Variants in CPED1 observed in about 807,000 individuals in gnomAD.
CPED1 encodes the protein cadherin like and PC-esterase domain containing 1.
A neutral mutation model predicts 128.2 loss-of-function variants in CPED1; 114 were observed. The observed-to-expected ratio is 0.89, with a 90% CI of 0.76 to 1.04. CPED1 has a LOEUF of 1.04. Ranked by LOEUF, CPED1 falls within the 50% of genes least tolerant of loss-of-function variation. The pLI, the probability that CPED1 is intolerant of heterozygous loss-of-function variation, is 0.00. For missense variants in CPED1, 1,211 were observed against 1,207.1 expected, an observed-to-expected ratio of 1.00 and a Z score of -0.05; for synonymous variants, 462 against 426.7, an observed-to-expected ratio of 1.08 and a Z score of -1.02.
At chr7:121,231,031 C>T (rs535103896) in intron 16 of CPED1, among the ~76,000 whole-genome samples, 74 of 152,070 alleles carry the variant, frequency 4.9e-4, no homozygotes, top group African/African-American at 1.6e-3. Context: ...GTTTGGGAGT[C>T]GTGATCATTC....
At chr7:121,254,931 A>G (rs1798768957) in intron 18 of CPED1, among the ~76,000 whole-genome samples, 1 of 151,742 alleles carries the variant, frequency 6.6e-6, no homozygotes, top group African/African-American at 2.4e-5. Flanking sequence ...CATACCAATC[A>G]AAACAAGACC....
rs1185028776 is a variant in CPED1 at position 121,133,735 on chromosome 7, T to A, written c.1578-88T>A. ...GTGTTCATCAAAGTAACTGTGCCCA[T>A]ACAGAAGAAAAGATAGTGTGTTAGA... On this transcript the variant is annotated intron_variant, in intron 12 of 22. Transcript: ENST00000310396. 4 of 874,842 alleles carry A rather than the reference T, an allele frequency of 4.6e-6. No homozygotes were observed. In the East Asian group the frequency reaches 1.0e-4, roughly 23 times the overall value. The allele number at this position is 874,842 out of a possible 1,614,324, so 54.2% of individuals were successfully genotyped here.
intron 3 of CPED1, among the ~76,000 whole-genome samples, chr7:121,042,803 A>G (rs950733702): frequency 1.3e-5 from 2 of 152,242 alleles, no homozygotes; most frequent in Non-Finnish European, 2.9e-5. Context: ...AGCTGTTCAC[A>G]TCATTGTTAC....
intron 2 of CPED1, among the ~76,000 whole-genome samples, chr7:120,992,144 T>C (rs1416563908): frequency 6.6e-6 from 1 of 152,188 alleles, no homozygotes; most frequent in East Asian, 1.9e-4. Context: ...GATCATTTTC[T>C]AAAGTAACTA....
chr7:121,120,966 T>TA (rs539242359), intron 7 of CPED1, among the ~76,000 whole-genome samples: 1,232 of 91,536 alleles, frequency 0.013, 68 homozygotes, highest in East Asian at 0.033. Context: ...GTTCCTGACC[T>TA]AAAAAAAAAA....
intron 22 of CPED1, among the ~76,000 whole-genome samples, chr7:121,292,578 G>T (rs760485059): frequency 6.6e-6 from 1 of 152,002 alleles, no homozygotes; most frequent in African/African-American, 2.4e-5. Flanking sequence ...AGTTGCGATC[G>T]TTTGGAGGAG....
intron 5 of CPED1, among the ~76,000 whole-genome samples, chr7:121,089,151 A>G (rs1011146643): frequency 6.6e-6 from 1 of 152,166 alleles, no homozygotes; most frequent in African/African-American, 2.4e-5. Flanking sequence ...ATGGTTTAGT[A>G]ATCCTATCAG....
chr7:121,031,657 T>C (rs979567688), intron 3 of CPED1, among the ~76,000 whole-genome samples: 1 of 152,246 alleles, frequency 6.6e-6, no homozygotes, highest in Non-Finnish European at 1.5e-5. Context: ...TGATACCCTA[T>C]GTGTCTTCAG....
intron 16 of CPED1, among the ~76,000 whole-genome samples, chr7:121,203,372 T>C (rs1584594246): frequency 6.6e-6 from 1 of 152,102 alleles, no homozygotes; most frequent in Non-Finnish European, 1.5e-5. Context: ...TCCTTTTCTG[T>C]CAGCAAACAT....
intron 16 of CPED1, among the ~76,000 whole-genome samples, chr7:121,230,530 T>C (rs1411385127): frequency 6.6e-6 from 1 of 152,050 alleles, no homozygotes; most frequent in Non-Finnish European, 1.5e-5. Context: ...CATATCAAAA[T>C]GGTTTCAGAA....
intron 3 of CPED1, among the ~76,000 whole-genome samples, chr7:121,020,801 T>A (rs1310249877): frequency 6.6e-6 from 1 of 151,962 alleles, no homozygotes; most frequent in Non-Finnish European, 1.5e-5. Context: ...GGAACCATTA[T>A]GATTCATCCC....
At chr7:121,256,539 G>A (rs1010907387) in intron 18 of CPED1, among the ~76,000 whole-genome samples, 5 of 151,998 alleles carry the variant, frequency 3.3e-5, no homozygotes, top group African/African-American at 9.7e-5. Context: ...TTACTGAAAA[G>A]TCAAAAAACA....
At chr7:121,117,100 A>ATATAAAT (rs1450957943) in intron 7 of CPED1, among the ~76,000 whole-genome samples, 16 of 70,640 alleles carry the variant, frequency 2.3e-4, no homozygotes, top group East Asian at 8.8e-4. Context: ...TATATATATA[A>ATATAAAT]ATATATATAT....
chr7:121,129,170 T>C (rs1795584063), intron 11 of CPED1, among the ~76,000 whole-genome samples: 1 of 151,076 alleles, frequency 6.6e-6, no homozygotes, highest in Non-Finnish European at 1.5e-5. Flanking sequence ...TAAGATTTGT[T>C]CATATGAAAT....
At chr7:121,250,810 A>G (rs1023537864) in intron 18 of CPED1, among the ~76,000 whole-genome samples, 6 of 151,682 alleles carry the variant, frequency 4.0e-5, no homozygotes, top group African/African-American at 1.2e-4. Context: ...AGGATCTGAA[A>G]TTGAGGCAAT....
chr7:121,221,260 A>C (rs540551735), intron 16 of CPED1, among the ~76,000 whole-genome samples: 6 of 152,266 alleles, frequency 3.9e-5, no homozygotes, highest in African/African-American at 1.4e-4. Context: ...GACGGTTTCC[A>C]GCTTCATCCA....
intron 22 of CPED1, among the ~76,000 whole-genome samples, chr7:121,287,913 C>CTAAT (rs1490285247): frequency 6.6e-6 from 1 of 152,060 alleles, no homozygotes; most frequent in Non-Finnish European, 1.5e-5. Context: ...ATATTTCTTA[C>CTAAT]TAATTATGTA....
intron 16 of CPED1, among the ~76,000 whole-genome samples, chr7:121,187,591 G>T (rs1797032864): frequency 6.6e-6 from 1 of 152,068 alleles, no homozygotes; most frequent in Non-Finnish European, 1.5e-5. Context: ...TTAAACTTGT[G>T]ATCTTGTCTG....
chr7:121,209,069 T>C (rs1484023619), intron 16 of CPED1, among the ~76,000 whole-genome samples: 1 of 152,036 alleles, frequency 6.6e-6, no homozygotes, highest in East Asian at 1.9e-4. Context: ...GCCAGATAGA[T>C]GTCTGTCATC....
Sources: allele counts gnomAD v4.1 joint callset (sites outside exome capture counted in the v4.1 genomes callset), GRCh38; gene constraint gnomAD v4.1.1; transcripts MANE v1.5; gene names NCBI Gene and HGNC (gene_info 2026-07-23, HGNC 2026-07-21).